SWT1: variants seen among roughly 807,000 people sequenced by gnomAD.
SWT1 encodes the protein transcriptional protein SWT1.
In SWT1, 33 loss-of-function variants were observed where a neutral mutation model predicts 107.3. That is an observed-to-expected ratio of 0.31 (90% CI 0.23 to 0.41). The LOEUF (loss-of-function observed/expected upper bound fraction) is 0.41, where lower values mean the gene tolerates loss of function less well. Among genes scored for constraint, SWT1 ranks in the 10% least tolerant of loss-of-function variants. SWT1 has a pLI of 1.00. For missense variants in SWT1, 898 were observed against 1,028.9 expected, an observed-to-expected ratio of 0.87 and a Z score of 1.74; for synonymous variants, 345 against 348.3, an observed-to-expected ratio of 0.99 and a Z score of 0.11.
intron 13 of SWT1, among the ~76,000 whole-genome samples, chr1:185,212,217 TAAAA>T (rs920748071): frequency 1.3e-5 from 2 of 151,758 alleles, no homozygotes; most frequent in African/African-American, 4.8e-5. Flanking sequence ...AATAATAAAA[TAAAA>T]AAAATAAAGC....
intron 5 of SWT1, among the ~76,000 whole-genome samples, chr1:185,175,613 A>G (rs1655478061): frequency 6.6e-6 from 1 of 151,892 alleles, no homozygotes; most frequent in Admixed American, 6.6e-5. Context: ...TCTTTATTTT[A>G]CTCTCTTTAA....
intron 17 of SWT1, 26 bp downstream of exon 17, chr1:185,271,415 A>T: frequency 8.5e-7 from 1 of 1,181,012 alleles, no homozygotes; most frequent in Non-Finnish European, 1.3e-6. Context: ...TAAAATATTT[A>T]TCACATTTCT....
intron 7 of SWT1, among the ~76,000 whole-genome samples, chr1:185,183,950 T>C (rs970813258): frequency 6.6e-6 from 1 of 152,190 alleles, no homozygotes; most frequent in Non-Finnish European, 1.5e-5. Context: ...TTACCTTCTC[T>C]GCCCACTTTG....
In SWT1 at chr1:185,184,841, A is replaced by T; in HGVS notation, c.1339A>T (p.Ile447Leu). 6.3e-7 allele frequency: 1 copy of T among 1,580,688 alleles called. No individual in the cohort carries two copies. The highest frequency in any genetic ancestry group is 8.6e-7 in the Non-Finnish European group (1 of 1,167,598). The change falls in exon 9 of 19, where the codon ATA (isoleucine) becomes TTA (leucine). Residue 447 changes from isoleucine (I) to leucine (L), a missense_variant. Around this residue, in one of 6 missense-constraint regions of SWT1, gnomAD observed 34 missense variants for 50.2 expected, o/e 0.68. Coordinates refer to ENST00000367500, the MANE Select transcript of SWT1 (RefSeq NM_017673.7). ...KLLKRAQHKAIPAVHFINDSL... is the reference protein window; with the variant it reads ...KLLKRAQHKALPAVHFINDSL... ...ACTAAAACGTGCCCAGCACAAAGCT[A>T]TACCTGCAGTTCATTTCATCAACGA...
At chr1:185,191,340 A>G (rs1656931887) in intron 10 of SWT1, among the ~76,000 whole-genome samples, 1 of 152,172 alleles carries the variant, frequency 6.6e-6, no homozygotes, top group Non-Finnish European at 1.5e-5. Flanking sequence ...TTCATCATGT[A>G]TGAGAAAAGG....
intron 16 of SWT1, among the ~76,000 whole-genome samples, chr1:185,248,173 G>A (rs1006903674): frequency 2.0e-5 from 3 of 152,214 alleles, no homozygotes; most frequent in African/African-American, 7.2e-5. Flanking sequence ...ATAGAAAGAA[G>A]CAGAGGGTAT....
intron 14 of SWT1, among the ~76,000 whole-genome samples, chr1:185,215,454 TG>T (rs1465586374): frequency 6.6e-6 from 1 of 152,228 alleles, no homozygotes; most frequent in African/African-American, 2.4e-5. Context: ...TGCCAATTTG[TG>T]AAGTTTTTAA....
chr1:185,202,331 C>T (rs1284258358), intron 10 of SWT1, among the ~76,000 whole-genome samples: 1 of 152,098 alleles, frequency 6.6e-6, no homozygotes, highest in Non-Finnish European at 1.5e-5. Flanking sequence ...AAATCCAGCT[C>T]CCACTTACTG....
At chr1:185,261,100 G>A (rs903377396) in intron 16 of SWT1, among the ~76,000 whole-genome samples, 16 of 152,148 alleles carry the variant, frequency 1.1e-4, no homozygotes, top group Admixed American at 3.3e-4. Flanking sequence ...CTCTTGTGCT[G>A]CTGTCACCAC....
At chr1:185,194,894 T>G (rs1394375491) in intron 10 of SWT1, among the ~76,000 whole-genome samples, 5 of 152,164 alleles carry the variant, frequency 3.3e-5, no homozygotes, top group Non-Finnish European at 7.4e-5. Flanking sequence ...TTGATTACTT[T>G]GACTCTTGGC....
intron 9 of SWT1, among the ~76,000 whole-genome samples, chr1:185,188,050 A>G (rs146019192): frequency 0.018 from 2,762 of 152,250 alleles, 45 homozygotes; most frequent in Non-Finnish European, 0.025. Context: ...ATTGCCATAC[A>G]CTGGGCTAAA....
rs557999887 is a variant in SWT1 at position 185,172,958 on chromosome 1, C to T, written c.225-1414C>T. 3.3e-5 allele frequency among the ~76,000 whole-genome samples: 5 copies of T among 149,636 alleles called. No individual in the cohort carries two copies. The East Asian group carries it at 6.0e-4, about 18-fold the overall frequency. On this transcript the variant is annotated intron_variant, in intron 4 of 18. Transcript: ENST00000367500. ...ACTTGGGAGGCTGAGGCAGGGGAAT[C>T]GCTTGAACCTGGGAGGCGGAGGTTG... is the stretch of plus-strand genomic sequence containing the variant.
chr1:185,266,157 G>A (rs971274937), intron 16 of SWT1, among the ~76,000 whole-genome samples: 33 of 152,036 alleles, frequency 2.2e-4, no homozygotes, highest in Non-Finnish European at 2.8e-4. Flanking sequence ...TCCGCCTGCC[G>A]GGTTCACGCC....
chr1:185,239,184 C>G (rs528237626), intron 16 of SWT1, among the ~76,000 whole-genome samples: 2 of 152,106 alleles, frequency 1.3e-5, no homozygotes, highest in East Asian at 3.9e-4. Context: ...CTAGATTTAT[C>G]CCCTTGTAGC....
intron 15 of SWT1, among the ~76,000 whole-genome samples, chr1:185,225,736 G>A (rs773870671): frequency 2.6e-5 from 4 of 152,154 alleles, no homozygotes; most frequent in Non-Finnish European, 4.4e-5. Flanking sequence ...ACTCTAAGAT[G>A]TTTGCATAAC....
intron 15 of SWT1, among the ~76,000 whole-genome samples, chr1:185,228,200 T>TATATATATATATACAC (rs1235462995): frequency 1.2e-4 from 17 of 145,000 alleles, no homozygotes; most frequent in African/African-American, 4.3e-4. Flanking sequence ...CATATATATA[T>TATATATATATATACAC]ACTCAGTATG....
intron 16 of SWT1, among the ~76,000 whole-genome samples, chr1:185,234,152 T>C (rs1660700176): frequency 6.6e-6 from 1 of 152,200 alleles, no homozygotes. Context: ...AGAGCTGAGT[T>C]CAAGTCCTGG....
chr1:185,253,525 A>G (rs1183622065), intron 16 of SWT1, among the ~76,000 whole-genome samples: 13 of 149,260 alleles, frequency 8.7e-5, no homozygotes, highest in East Asian at 2.1e-4. Context: ...ATTCCTAGGT[A>G]TTTTATTCTC....
At position 185,180,435 on chromosome 1, in the gene SWT1, G is replaced by A. The variant is rs1655925629; in HGVS notation, c.1011G>A (p.Gln337=). 1.2e-6 allele frequency: 2 copies of A among 1,612,452 alleles called. No homozygotes were observed. Among genetic ancestry groups the A allele is most frequent in the Non-Finnish European group, 1.7e-6 (2 of 1,178,598 alleles). ...GTTCCGTGTCATCTGAAAGTATCCA[G>A]GATGCAGATCAAGAGGTTATTGATA... The part of the protein sequence containing the change: ...PCCSVSSESI[Q]DADQEMQIVE... The change falls in exon 6 of 19, where the codon CAG becomes CAA. Residue 337 remains glutamine (Q), a synonymous_variant. Coordinates refer to ENST00000367500, the MANE Select transcript of SWT1 (RefSeq NM_017673.7).
Sources: gnomAD v4.1 joint callset for allele counts (sites outside exome capture counted in the v4.1 genomes callset) on GRCh38, gnomAD v4.1.1 for gene constraint, gnomAD v4.1.1 regional missense constraint, MANE v1.5 for transcripts, NCBI Gene and HGNC (gene_info 2026-07-23, HGNC 2026-07-21) for gene names.